YES1: variants seen among roughly 807,000 people sequenced by gnomAD.
The protein encoded by YES1 is tyrosine-protein kinase Yes.
YES1 carries 39 observed loss-of-function variants against 70.4 expected under a neutral mutation model. The ratio of observed to expected loss-of-function variants is 0.55; its 90% CI spans 0.43 to 0.72. YES1 has a LOEUF of 0.72. YES1 is among the 30% of genes least tolerant of loss of function. The probability of loss-of-function intolerance (pLI) is 0.00; values close to 1 mark genes in which losing one functional copy is unlikely to be tolerated. For synonymous variants in YES1, 198 were observed against 218.6 expected (o/e 0.91, Z 0.83); for missense variants, 495 against 644.8 (o/e 0.77, Z 2.52).
chr18:792,407 T>A (rs1906298605), intron 1 of YES1, among the ~76,000 whole-genome samples: 1 of 151,922 alleles, frequency 6.6e-6, no homozygotes, highest in Non-Finnish European at 1.5e-5. Context: ...GCTGCACACA[T>A]CTGTAGTCCC....
At chr18:739,568 C>T in intron 9 of YES1, 167 bp downstream of exon 9, 1 of 517,362 alleles carries the variant, frequency 1.9e-6, no homozygotes, top group East Asian at 3.3e-5. Context: ...ATCAGTGCAC[C>T]ACTGCATTCC....
intron 4 of YES1, 122 bp from the exon 5 acceptor site, chr18:746,173 C>T: frequency 1.5e-6 from 1 of 658,464 alleles, no homozygotes; most frequent in East Asian, 2.7e-5. Context: ...GAACATGGCT[C>T]AAAATACAGG....
At chr18:745,919 T>C in intron 5 of YES1, 29 bp downstream of exon 5, 1 of 1,599,370 alleles carries the variant, frequency 6.3e-7, no homozygotes. Context: ...AGAAATTTTA[T>C]ACTTATACTA....
Position 723,647 on chromosome 18 carries a change from A to G in YES1, c.*777T>C, listed in dbSNP as rs1482807124. 6.6e-6 allele frequency: 1 copy of G among 152,652 alleles called. No individual in the cohort carries two copies. Among genetic ancestry groups the G allele is most frequent in the Non-Finnish European group, 1.5e-5 (1 of 68,026 alleles). The allele number at this position is 152,652 out of a possible 1,614,324, so 9.5% of individuals were successfully genotyped here. On this transcript the variant is annotated 3_prime_UTR_variant, in exon 12 of 12. Coordinates refer to ENST00000314574, the MANE Select transcript of YES1 (RefSeq NM_005433.4). ...CTTTGATTGGACAGTAGTTTCAATT[A>G]TATATTGCCTTAAAAAATCAATGCA...
At position 721,697 on chromosome 18, in the gene YES1, A is replaced by T. The variant is rs920343468; in HGVS notation, c.*2727T>A. The T allele has an allele frequency of 3.3e-5, 5 of 152,232 alleles. No homozygotes were observed. Among genetic ancestry groups the T allele is most frequent in the Admixed American group, 6.5e-5 (1 of 15,284 alleles). 9.4% of individuals were successfully genotyped at this position (152,232 alleles called of 1,614,324 possible). A position where few individuals can be genotyped will look rare whatever the true frequency, so the allele number is the denominator to read the frequency against. ...TGGAAGAATAAATTCAGAATATATC[A>T]GTTTTTAAAAAACGAATGAGAATAT... On this transcript the variant is annotated 3_prime_UTR_variant, in exon 12 of 12. Coordinates refer to ENST00000314574, the MANE Select transcript of YES1 (RefSeq NM_005433.4).
At chr18:806,219 A>G (rs1192074338) in intron 1 of YES1, among the ~76,000 whole-genome samples, 1 of 152,216 alleles carries the variant, frequency 6.6e-6, no homozygotes, top group Admixed American at 6.5e-5. Context: ...TTTCTTCAGC[A>G]TAACTTGGAC....
intron 11 of YES1, 132 bp from the exon 12 acceptor site, chr18:724,764 A>T: frequency 1.5e-6 from 1 of 667,882 alleles, no homozygotes; most frequent in Non-Finnish European, 2.5e-6. Flanking sequence ...AAAGCAACAA[A>T]ATAAATTTTA....
At chr18:753,823 T>G (rs1484344881) in intron 2 of YES1, among the ~76,000 whole-genome samples, 1 of 152,108 alleles carries the variant, frequency 6.6e-6, no homozygotes, top group Non-Finnish European at 1.5e-5. Flanking sequence ...CATTTAAAAT[T>G]TATTACAAAA....
chr18:747,764 A>G (rs965666901), intron 4 of YES1, among the ~76,000 whole-genome samples, 156 bp downstream of exon 4: 7 of 152,236 alleles, frequency 4.6e-5, no homozygotes, highest in Non-Finnish European at 7.3e-5. Context: ...GTATGACATT[A>G]GTTATTAATT....
At chr18:812,509 TCAG>T (rs1221866355), upstream of YES1, 1 of 152,142 alleles carries the variant, frequency 6.6e-6, no homozygotes, top group Non-Finnish European at 1.5e-5. Flanking sequence ...TTTGCTGTGG[TCAG>T]GATAGGCGAC....
chr18:784,404 T>C lies in YES1; in HGVS notation c.-8-27569A>G, dbSNP rs1473800966. On this transcript the variant is annotated intron_variant, in intron 1 of 11. Transcript: ENST00000314574. The stretch of plus-strand genomic sequence containing the variant: ...TTTTGGTTCTATGTCACAAAACTAG[T>C]AAGTGACAGAGCCAGAAGCTGAGAA... Among the ~76,000 whole-genome samples, 10 of 152,336 alleles carry C rather than the reference T, an allele frequency of 6.6e-5. No homozygotes were observed. The East Asian group carries it at 1.9e-3, about 29-fold the overall frequency.
At chr18:749,852 C>T (rs2080323470) in intron 3 of YES1, among the ~76,000 whole-genome samples, 1 of 130,846 alleles carries the variant, frequency 7.6e-6, no homozygotes, top group Non-Finnish European at 1.6e-5. Flanking sequence ...GAGCAAGACT[C>T]CGTCTCAAAA....
chr18:725,815 C>T (rs186731271), intron 11 of YES1, among the ~76,000 whole-genome samples: 23 of 152,148 alleles, frequency 1.5e-4, no homozygotes, highest in African/African-American at 1.9e-4. Context: ...GAACGGGAGG[C>T]GGAGGTTGCA....
At chr18:736,631 G>T in intron 10 of YES1, 177 bp downstream of exon 10, 1 of 772,622 alleles carries the variant, frequency 1.3e-6, no homozygotes, top group Non-Finnish European at 1.9e-6. Context: ...GTTCTTTCTT[G>T]GAGGAAATAA....
intron 11 of YES1, among the ~76,000 whole-genome samples, chr18:729,619 CTTTTTTTTT>C (rs869223956): frequency 6.6e-5 from 5 of 75,384 alleles, no homozygotes; most frequent in African/African-American, 2.3e-4. Flanking sequence ...TGATTTTGAA[CTTTTTTTTT>C]TTTTTTTTTT....
chr18:751,865 A>AG, intron 2 of YES1, 61 bp from the exon 3 acceptor site: 1 of 994,380 alleles, frequency 1.0e-6, no homozygotes, highest in East Asian at 2.4e-5. Flanking sequence ...ACAGAAAAAA[A>AG]GAACTATTGC....
intron 1 of YES1, among the ~76,000 whole-genome samples, chr18:791,989 T>C (rs1188505969): frequency 6.6e-6 from 1 of 152,200 alleles, no homozygotes; most frequent in Non-Finnish European, 1.5e-5. Context: ...CATCTCAATT[T>C]GGACTAGCCA....
intron 9 of YES1, among the ~76,000 whole-genome samples, chr18:737,786 C>T (rs1199466536): frequency 1.3e-5 from 2 of 152,194 alleles, no homozygotes; most frequent in African/African-American, 4.8e-5. Context: ...GTGGTGCAAT[C>T]GTGGCTCACT....
At chr18:727,772 C>T (rs564967401) in intron 11 of YES1, among the ~76,000 whole-genome samples, 2 of 152,168 alleles carry the variant, frequency 1.3e-5, no homozygotes, top group South Asian at 4.1e-4. Flanking sequence ...ATTATAAATT[C>T]GGTAAGATTT....
Sources: allele counts gnomAD v4.1 joint callset (sites outside exome capture counted in the v4.1 genomes callset), GRCh38; gene constraint gnomAD v4.1.1; transcripts MANE v1.5; gene names NCBI Gene and HGNC (gene_info 2026-07-23, HGNC 2026-07-21).